PPP2R5B: variants seen among roughly 807,000 people sequenced by gnomAD.
PPP2R5B encodes protein phosphatase 2 regulatory subunit B'beta.
A neutral mutation model predicts 59.9 loss-of-function variants in PPP2R5B; 19 were observed. That is an observed-to-expected ratio of 0.32 (90% confidence interval 0.22 to 0.47). PPP2R5B has a LOEUF of 0.47. Among genes scored for constraint, PPP2R5B ranks in the 20% least tolerant of loss-of-function variants. The pLI is 1.00. For synonymous variants in PPP2R5B, 286 were observed against 260.5 expected (o/e 1.10, Z -0.94); for missense variants, 441 against 640.2 (o/e 0.69, Z 3.36).
chr11:64,920,693 G>A (rs1044437912), upstream of PPP2R5B, among the ~76,000 whole-genome samples: 3 of 150,446 alleles, frequency 2.0e-5, no homozygotes, highest in Non-Finnish European at 4.4e-5. Context: ...GCAGTGGCGC[G>A]ATCTCAGCTT....
intron 6 of PPP2R5B, among the ~76,000 whole-genome samples, chr11:64,928,801 G>A (rs1389787535): frequency 1.3e-5 from 2 of 152,084 alleles, no homozygotes; most frequent in Non-Finnish European, 2.9e-5. Context: ...GGAGAATGGC[G>A]TGAACCCGGG....
At position 64,933,805 on chromosome 11, in the gene PPP2R5B, G is replaced by A; in HGVS notation, c.1455G>A (p.Arg485=). 10 of 1,552,312 alleles carry A rather than the reference G, an allele frequency of 6.4e-6. No homozygotes were observed. Among genetic ancestry groups the A allele is most frequent in the Non-Finnish European group, 8.7e-6 (10 of 1,147,848 alleles). Residue 485 remains arginine, a synonymous_variant, in exon 14 of 14, where the codon CGG becomes CGA. Transcript: ENST00000164133. ...GGGCCAAGGAGGCCCCCCTCCAGCG[G>A]CTTACACCCCAGGTGGCCGCCAGTG... ...TQGAKEAPLQ[R]LTPQVAASGG... is the part of the protein sequence containing the mutation.
chr11:64,931,631 C>A lies in PPP2R5B; in HGVS notation c.996+22C>A. On this transcript the variant is annotated intron_variant, in intron 10 of 13. Transcript: ENST00000164133. The surrounding 1 kb of genome is among the most constrained non-coding windows in gnomAD (Gnocchi z 5.0). ...GGAGGTATGAAGAAGGGCTTTGATGCCCGCCAGAGGGAGGCTGGGAGGGCT... is the reference window on the plus strand; with the variant it reads ...GGAGGTATGAAGAAGGGCTTTGATGACCGCCAGAGGGAGGCTGGGAGGGCT... 6.2e-7 allele frequency: 1 copy of A among 1,613,466 alleles called. No individual in the cohort carries two copies. Among genetic ancestry groups the A allele is most frequent in the Non-Finnish European group, 8.5e-7 (1 of 1,179,884 alleles).
upstream of PPP2R5B, among the ~76,000 whole-genome samples, chr11:64,920,635 T>TTA (rs1413494247): frequency 1.1e-4 from 17 of 149,454 alleles, no homozygotes; most frequent in African/African-American, 2.2e-4. Context: ...CAGCAGTTAT[T>TTA]TTTTTTTTTT....
At position 64,933,892 on chromosome 11, in the gene PPP2R5B, C is replaced by T; in HGVS notation, c.*48C>T. On this transcript the variant is annotated 3_prime_UTR_variant, in exon 14 of 14. Transcript: ENST00000164133. Reference sequence around the variant, plus strand: ...GCTAAACCCAGAGCTGTCAGTCCCTCTATCCCTTCTCCTGTCCAGGGGCCC... The same window carrying T: ...GCTAAACCCAGAGCTGTCAGTCCCTTTATCCCTTCTCCTGTCCAGGGGCCC... 1 of 1,460,622 alleles carries T rather than the reference C, an allele frequency of 6.8e-7. No individual in the cohort carries two copies. Among genetic ancestry groups the T allele is most frequent in the Non-Finnish European group, 9.1e-7 (1 of 1,102,672 alleles). 90.5% of individuals were successfully genotyped at this position (1,460,622 alleles called of 1,614,324 possible).
intron 2 of PPP2R5B, among the ~76,000 whole-genome samples, chr11:64,926,428 A>T (rs1945164715): frequency 6.6e-6 from 1 of 152,230 alleles, no homozygotes; most frequent in Non-Finnish European, 1.5e-5. Flanking sequence ...TGTTTGGGGC[A>T]CCTGTGGAAA....
At position 64,933,185 on chromosome 11, in the gene PPP2R5B, A is replaced by G. The variant is rs1444027966; in HGVS notation, c.1285A>G (p.Met429Val). 6.2e-7 allele frequency: 1 copy of G among 1,613,292 alleles called. No homozygotes were observed. Among genetic ancestry groups the G allele is most frequent in the Admixed American group, 1.7e-5 (1 of 59,982 alleles). ...SLIYNVLKTFMEMNGKLFDEL... is the reference protein window; with the variant it reads ...SLIYNVLKTFVEMNGKLFDEL... Reference sequence around the variant, plus strand: ...GATCTACAATGTGCTCAAGACCTTCATGGAGATGAATGGGAAGCTGTTTGA... The same window carrying G: ...GATCTACAATGTGCTCAAGACCTTCGTGGAGATGAATGGGAAGCTGTTTGA... Residue 429 changes from methionine to valine, a missense_variant, in exon 13 of 14, where the codon ATG (methionine) becomes GTG (valine). This residue lies in a region of PPP2R5B where 268 missense variants were observed against 488.1 expected (regional missense o/e 0.55). Transcript: ENST00000164133.
Position 64,928,239 on chromosome 11 carries a change from C to T in PPP2R5B, c.592-56C>T, listed in dbSNP as rs1377802012. On this transcript the variant is annotated intron_variant, in intron 5 of 13. Transcript: ENST00000164133. ...GGGGCCAGGGATAGGATGGAAGCAA[C>T]CTGGGGTGGACCTTTCCCCTGACCC... 4 of 1,612,416 alleles carry T rather than the reference C, an allele frequency of 2.5e-6. No homozygotes were observed. In the African/African-American group the frequency reaches 4.0e-5, roughly 16 times the overall value.
chr11:64,923,510 G>A (rs544712667), upstream of PPP2R5B, among the ~76,000 whole-genome samples: 4 of 152,300 alleles, frequency 2.6e-5, no homozygotes, highest in South Asian at 6.2e-4. Flanking sequence ...CTCCAGTGCC[G>A]GAGTCCTGGA....
chr11:64,929,247 C>T (rs1475987069), intron 6 of PPP2R5B, among the ~76,000 whole-genome samples: 1 of 152,140 alleles, frequency 6.6e-6, no homozygotes, highest in Non-Finnish European at 1.5e-5. Context: ...CCATAAGGAC[C>T]CAGAGAGAGA....
intron 13 of PPP2R5B, 69 bp downstream of exon 13, chr11:64,933,315 G>A (rs1945249089): frequency 7.4e-7 from 1 of 1,352,892 alleles, no homozygotes; most frequent in Non-Finnish European, 1.0e-6. Context: ...CATGGCTGGA[G>A]GGAACCCGAG....
chr11:64,929,227 T>C (rs1404359098), intron 6 of PPP2R5B, among the ~76,000 whole-genome samples: 2 of 152,144 alleles, frequency 1.3e-5, no homozygotes, highest in Non-Finnish European at 2.9e-5. Context: ...TTGACCCTTA[T>C]CATGCCAGGC....
At chr11:64,920,117 C>CA (rs562667276), upstream of PPP2R5B, among the ~76,000 whole-genome samples, 1 of 151,400 alleles carries the variant, frequency 6.6e-6, no homozygotes, top group Non-Finnish European at 1.5e-5. Flanking sequence ...ACCTCAAAAA[C>CA]AAAAAAAGGA....
At chr11:64,933,056 G>A (rs767402701) in intron 12 of PPP2R5B, 89 bp from the exon 13 acceptor site, 1 of 1,491,690 alleles carries the variant, frequency 6.7e-7, no homozygotes, top group Non-Finnish European at 9.3e-7. Context: ...TTGTGTTCAG[G>A]TGGAATGCTG....
chr11:64,925,535 T>G lies in PPP2R5B; in HGVS notation c.-200T>G, dbSNP rs1464549139. 2.0e-5 allele frequency: 11 copies of G among 554,784 alleles called. No individual in the cohort carries two copies. Among genetic ancestry groups the G allele is most frequent in the Non-Finnish European group, 6.4e-6 (2 of 312,356 alleles). 34.4% of individuals were successfully genotyped at this position (554,784 alleles called of 1,614,324 possible). A position where few individuals can be genotyped will look rare whatever the true frequency, so the allele number is the denominator to read the frequency against. On this transcript the variant is annotated 5_prime_UTR_variant, in exon 2 of 14. Coordinates refer to ENST00000164133, the MANE Select transcript of PPP2R5B (RefSeq NM_006244.4). The surrounding 1 kb of genome is among the most constrained non-coding windows in gnomAD (Gnocchi z 4.6). ...CAGGAAGGATCTGAGGCCTGAGCCATCCTCCTTTCTACCCTGTCTGCCCCC... is the reference window on the plus strand; with the variant it reads ...CAGGAAGGATCTGAGGCCTGAGCCAGCCTCCTTTCTACCCTGTCTGCCCCC...
chr11:64,928,990 A>C (rs1376675373), intron 6 of PPP2R5B, among the ~76,000 whole-genome samples: 1 of 152,106 alleles, frequency 6.6e-6, no homozygotes, highest in African/African-American at 2.4e-5. Flanking sequence ...AAGAAAACAA[A>C]AAAAAAGAAG....
At chr11:64,926,358 TGAACCCCTCCCCATTTCTGGCCCTTA>T (rs1316234234) in intron 2 of PPP2R5B, among the ~76,000 whole-genome samples, 1 of 152,242 alleles carries the variant, frequency 6.6e-6, no homozygotes, top group African/African-American at 2.4e-5. Context: ...TCCTTGGCCC[TGAACCCCTCCCCATTTCTGGCCCTTA>T]GAACAGGGTG....
At chr11:64,929,999 C>T (rs1945210652) in intron 6 of PPP2R5B, among the ~76,000 whole-genome samples, 1 of 152,170 alleles carries the variant, frequency 6.6e-6, no homozygotes, top group South Asian at 2.1e-4. Context: ...TTTCTTAAGC[C>T]CCATCTCCCT....
intron 2 of PPP2R5B, among the ~76,000 whole-genome samples, chr11:64,926,400 T>C (rs945646762): frequency 1.3e-5 from 2 of 152,208 alleles, no homozygotes; most frequent in Non-Finnish European, 2.9e-5. Context: ...GGGTGCCACC[T>C]GAGAGGGAGG....
Sources: allele counts gnomAD v4.1 joint callset (sites outside exome capture counted in the v4.1 genomes callset), GRCh38; gene constraint gnomAD v4.1.1; regional missense constraint gnomAD v4.1.1; non-coding constraint Gnocchi (gnomAD v3.1); transcripts MANE v1.5; gene names NCBI Gene and HGNC (gene_info 2026-07-23, HGNC 2026-07-21).